The following COG3 variants were observed in gnomAD, a reference collection of about 807,000 sequenced individuals.
The protein encoded by COG3 is component of oligomeric golgi complex 3, also known as conserved oligomeric Golgi complex subunit 3.
In COG3, 32 loss-of-function variants were observed where a neutral mutation model predicts 114.1. The observed-to-expected ratio is 0.28, with a 90% confidence interval of 0.21 to 0.38. The LOEUF (loss-of-function observed/expected upper bound fraction) is 0.38. COG3 is among the 10% of genes least tolerant of loss of function. The pLI is 1.00. For synonymous variants in COG3, 352 were observed against 365.7 expected (o/e 0.96, Z 0.43); for missense variants, 813 against 973.2 (o/e 0.84, Z 2.19).
chr13:45,525,037 C>T lies in COG3; in HGVS notation c.2216C>T (p.Pro739Leu). ...GGPKYTLSQQ[P>L]WAQPAKVNDL... ...CCCAAGTATACTCTCTCACAGCAGC[C>T]TTGGGCACAACCAGGTATTCTGATT... is the stretch of plus-strand genomic sequence containing the variant. The change falls in exon 20 of 23, where the codon CCT (proline) becomes CTT (leucine). Residue 739 changes from proline to leucine, a missense_variant. Coordinates refer to ENST00000349995, the MANE Select transcript of COG3 (RefSeq NM_031431.4). 1 of 1,613,694 alleles carries T rather than the reference C, an allele frequency of 6.2e-7. No homozygotes were observed. The highest frequency in any genetic ancestry group is 8.5e-7 in the Non-Finnish European group (1 of 1,179,714).
intron 7 of COG3, among the ~76,000 whole-genome samples, chr13:45,484,682 A>T (rs1886465597): frequency 6.9e-6 from 1 of 143,922 alleles, no homozygotes; most frequent in African/African-American, 2.6e-5. Context: ...ACAATAGTGG[A>T]GGGAAGGTCA....
intron 2 of COG3, among the ~76,000 whole-genome samples, chr13:45,477,480 T>C (rs1885945960): frequency 6.6e-6 from 1 of 152,208 alleles, no homozygotes; most frequent in Admixed American, 6.5e-5. Flanking sequence ...AACTAACAAC[T>C]ATAATTGAGA....
At chr13:45,469,076 C>T (rs1885316966) in intron 1 of COG3, among the ~76,000 whole-genome samples, 1 of 152,196 alleles carries the variant, frequency 6.6e-6, no homozygotes, top group Non-Finnish European at 1.5e-5. Flanking sequence ...TTCTCTCTTG[C>T]TTGGTTTGAG....
chr13:45,520,021 A>G (rs1201811156), intron 19 of COG3, among the ~76,000 whole-genome samples: 1 of 152,216 alleles, frequency 6.6e-6, no homozygotes, highest in Non-Finnish European at 1.5e-5. Context: ...GCTCACACCT[A>G]TAATCCTAGC....
intron 14 of COG3, among the ~76,000 whole-genome samples, chr13:45,508,686 A>C (rs1870514484): frequency 6.6e-6 from 1 of 152,182 alleles, no homozygotes. Flanking sequence ...GTATTATACC[A>C]GCTCCACTTT....
intron 2 of COG3, among the ~76,000 whole-genome samples, chr13:45,478,582 G>A (rs571242538): frequency 3.3e-5 from 5 of 151,748 alleles, no homozygotes; most frequent in South Asian, 2.1e-4. Flanking sequence ...TCTGCCTCCC[G>A]GGTTCAAGCA....
chr13:45,464,992 G>T lies in COG3; in HGVS notation c.-45G>T, dbSNP rs749511290. 6.5e-7 allele frequency: 1 copy of T among 1,536,232 alleles called. No individual in the cohort carries two copies. Among genetic ancestry groups the T allele is most frequent in the Non-Finnish European group, 8.7e-7 (1 of 1,143,156 alleles). ...AAGTGGCCCAGGTCTCTCTGTCGGG[G>T]TCCCCTCCATCTCGCTGCTGCTGAA... On this transcript the variant is annotated 5_prime_UTR_variant, in exon 1 of 23. Transcript: ENST00000349995.
intron 20 of COG3, among the ~76,000 whole-genome samples, chr13:45,528,157 AAATT>A (rs1485960588): frequency 1.3e-5 from 2 of 152,230 alleles, no homozygotes; most frequent in African/African-American, 2.4e-5. Flanking sequence ...TAATTAAAAA[AAATT>A]AACCCTTTAT....
At chr13:45,521,870 T>C (rs1340700788) in intron 19 of COG3, among the ~76,000 whole-genome samples, 2 of 148,974 alleles carry the variant, frequency 1.3e-5, no homozygotes, top group Non-Finnish European at 3.0e-5. Context: ...TGGCACGATC[T>C]CGGCTCACTG....
chr13:45,530,647 C>T (rs1483439233), intron 21 of COG3, 35 bp from the exon 22 acceptor site: 1 of 1,286,612 alleles, frequency 7.8e-7, no homozygotes, highest in Admixed American at 1.7e-5. Context: ...TTTAAGACAA[C>T]TCATTTGATA....
At chr13:45,472,108 G>A (rs542007526) in intron 1 of COG3, among the ~76,000 whole-genome samples, 4 of 151,994 alleles carry the variant, frequency 2.6e-5, no homozygotes, top group Non-Finnish European at 4.4e-5. Flanking sequence ...AGAACTCTGA[G>A]TTGAGTGTTT....
chr13:45,483,487 C>G, intron 7 of COG3, 132 bp downstream of exon 7: 1 of 507,056 alleles, frequency 2.0e-6, no homozygotes, highest in Non-Finnish European at 3.3e-6. Context: ...AGAATATGTA[C>G]TACAGCTTTT....
intron 8 of COG3, among the ~76,000 whole-genome samples, chr13:45,488,461 A>G (rs551897191): frequency 1.3e-4 from 20 of 152,220 alleles, no homozygotes; most frequent in Non-Finnish European, 2.9e-4. Context: ...CATTGTATCC[A>G]TGTATCAAAA....
chr13:45,483,772 T>C (rs557769399), intron 7 of COG3, among the ~76,000 whole-genome samples: 1 of 152,322 alleles, frequency 6.6e-6, no homozygotes, highest in Non-Finnish European at 1.5e-5. Context: ...TCATAATGCA[T>C]AATTTAAATT....
At chr13:45,508,427 TACAC>T (rs1165465027) in intron 14 of COG3, among the ~76,000 whole-genome samples, 3 of 118,352 alleles carry the variant, frequency 2.5e-5, no homozygotes, top group African/African-American at 1.2e-4. Context: ...CACACACACA[TACAC>T]ATATATATAC....
chr13:45,499,858 C>CA (rs1476041624), intron 13 of COG3, among the ~76,000 whole-genome samples: 1 of 151,940 alleles, frequency 6.6e-6, no homozygotes, highest in Non-Finnish European at 1.5e-5. Context: ...CCCATCTCTA[C>CA]AAAAAATACA....
chr13:45,468,175 C>G (rs985446055), intron 1 of COG3, among the ~76,000 whole-genome samples: 8 of 152,196 alleles, frequency 5.3e-5, no homozygotes, highest in Non-Finnish European at 2.9e-5. Flanking sequence ...TTTACTGTTA[C>G]AGCTGTTGTT....
chr13:45,495,178 G>T (rs1868616326), intron 12 of COG3, among the ~76,000 whole-genome samples: 1 of 139,740 alleles, frequency 7.2e-6, no homozygotes, highest in Non-Finnish European at 1.5e-5. Flanking sequence ...AATAGAGATA[G>T]GGTCTCACTG....
chr13:45,504,116 A>G (rs1341313564), intron 14 of COG3, among the ~76,000 whole-genome samples: 2 of 152,024 alleles, frequency 1.3e-5, no homozygotes, highest in African/African-American at 4.8e-5. Flanking sequence ...GTAGCTCCCC[A>G]TGGGACAACT....
Sources: allele counts gnomAD v4.1 joint callset (sites outside exome capture counted in the v4.1 genomes callset), GRCh38; gene constraint gnomAD v4.1.1; transcripts MANE v1.5; gene names NCBI Gene and HGNC (gene_info 2026-07-23, HGNC 2026-07-21).